OPA1: variants seen among roughly 807,000 people sequenced by gnomAD.
OPA1 encodes OPA1 mitochondrial dynamin like GTPase.
In OPA1, 59 loss-of-function variants were observed where a neutral mutation model predicts 152.9. The ratio of observed to expected loss-of-function variants is 0.39; its 90% CI spans 0.31 to 0.48. The LOEUF (loss-of-function observed/expected upper bound fraction) is 0.48. Among genes scored for constraint, OPA1 ranks in the 20% least tolerant of loss-of-function variants. OPA1 has a pLI of 0.96. For synonymous variants in OPA1, 400 were observed against 389.9 expected (o/e 1.03, Z -0.31); for missense variants, 1,008 against 1,216.8 (o/e 0.83, Z 2.55).
At chr3:193,668,344 A>G (rs558269960) in intron 29 of OPA1, 4 of 1,551,392 alleles carry the variant, frequency 2.6e-6, no homozygotes, top group Middle Eastern at 1.7e-4. Flanking sequence ...CTCGGACTCA[A>G]CACTACACAC....
At chr3:193,633,106 A>G (rs1405544133) in intron 8 of OPA1, among the ~76,000 whole-genome samples, 1 of 49,792 alleles carries the variant, frequency 2.0e-5, no homozygotes, top group Non-Finnish European at 4.6e-5. Flanking sequence ...GTGGCACTAT[A>G]TCTATGTTTT....
intron 21 of OPA1, 85 bp downstream of exon 21, chr3:193,648,956 G>C: frequency 2.0e-6 from 2 of 985,178 alleles, no homozygotes; most frequent in Non-Finnish European, 3.2e-6. Flanking sequence ...TGATAAAGCA[G>C]TGATTTATTG....
Position 193,648,271 on chromosome 3 carries a change from T to G in OPA1, c.1935+137T>G, listed in dbSNP as rs1711540626. The G allele has an allele frequency of 4.6e-6, 3 of 659,204 alleles. No homozygotes were observed. In the East Asian group the frequency reaches 8.4e-5, roughly 19 times the overall value. 40.8% of individuals were successfully genotyped at this position (659,204 alleles called of 1,614,324 possible). A position where few individuals can be genotyped will look rare whatever the true frequency, so the allele number is the denominator to read the frequency against. On this transcript the variant is annotated intron_variant, in intron 20 of 30. Transcript: ENST00000361510. ...ATAACTACTAATTTGTAAGAATACA[T>G]CTCTAGGAGCAGTTATCTCTTTCAG...
rs374506140 is a variant in OPA1 at position 193,593,349 on chromosome 3, G to A, written c.-29G>A. On this transcript the variant is annotated 5_prime_UTR_variant, in exon 1 of 31. Coordinates refer to ENST00000361510, the MANE Select transcript of OPA1 (RefSeq NM_130837.3). ...ACGGGGGCTCCCGCGTGGCCGTCTC[G>A]GCGCCTGCGTGACCTCCCCGCCGGC... 2.5e-5 allele frequency: 38 copies of A among 1,541,190 alleles called. No individual in the cohort carries two copies. In the African/African-American group the frequency reaches 4.5e-4, roughly 18 times the overall value.
At chr3:193,692,303 G>A (rs1053099704) in intron 30 of OPA1, among the ~76,000 whole-genome samples, 171 bp downstream of exon 30, 1 of 152,160 alleles carries the variant, frequency 6.6e-6, no homozygotes, top group African/African-American at 2.4e-5. Context: ...ACGTTGCTTT[G>A]AATAACTTGA....
In OPA1 at chr3:193,632,948, C is replaced by T. The variant is rs547898781; in HGVS notation, c.843+1283C>T. ...CGACTACAAGTTGAATATCTCTTATCTGAGGTGCTTGGGGCCAGCGTGTTT... is the reference window on the plus strand; with the variant it reads ...CGACTACAAGTTGAATATCTCTTATTTGAGGTGCTTGGGGCCAGCGTGTTT... On this transcript the variant is annotated intron_variant, in intron 8 of 30. Transcript: ENST00000361510. Among the ~76,000 whole-genome samples, 149 of 152,284 alleles carry T rather than the reference C, an allele frequency of 9.8e-4. 1 individual carries two copies. The highest frequency in any genetic ancestry group is 1.9e-3 in the Non-Finnish European group (129 of 68,012).
At chr3:193,595,109 A>G (rs890815402) in intron 1 of OPA1, among the ~76,000 whole-genome samples, 6 of 152,216 alleles carry the variant, frequency 3.9e-5, no homozygotes, top group Admixed American at 1.3e-4. Flanking sequence ...TCTCCTGGTG[A>G]TGGCACAGTT....
intron 29 of OPA1, chr3:193,668,176 G>T: frequency 3.2e-6 from 2 of 624,502 alleles, no homozygotes; most frequent in South Asian, 2.0e-5. Context: ...GTTTGTTCTA[G>T]TGTTCTCCCT....
chr3:193,669,858 C>T (rs1331913903), intron 29 of OPA1, among the ~76,000 whole-genome samples: 1 of 152,186 alleles, frequency 6.6e-6, no homozygotes, highest in African/African-American at 2.4e-5. Context: ...ACTGTCAAGC[C>T]AAGTTCTATG....
chr3:193,660,967 T>A (rs913982517), intron 25 of OPA1, among the ~76,000 whole-genome samples: 3 of 152,222 alleles, frequency 2.0e-5, no homozygotes, highest in African/African-American at 4.8e-5. Context: ...AAATGGTATC[T>A]GGCCTTCAAG....
At chr3:193,612,175 T>C (rs766311514) in intron 1 of OPA1, among the ~76,000 whole-genome samples, 4 of 151,964 alleles carry the variant, frequency 2.6e-5, no homozygotes, top group Non-Finnish European at 5.9e-5. Flanking sequence ...ACAATGGGGC[T>C]AAGCTCAGTT....
rs1713429049 is a variant in OPA1, at chr3:193,654,912, T to C, written c.2063T>C (p.Ile688Thr). The change falls in exon 22 of 31, where the codon ATT becomes ACT. Residue 688 changes from isoleucine to threonine, a missense_variant. Transcript: ENST00000361510. Reference protein sequence around the residue: ...SLWERVSTHVIENIYLPAAQT... With the variant: ...SLWERVSTHVTENIYLPAAQT... ...TGGGAAAGAGTATCAACTCATGTGA[T>C]TGAAAACATCTACCTTCCAGCTGCG... The C allele has an allele frequency of 6.2e-7, 1 of 1,613,842 alleles. No individual in the cohort carries two copies. Among genetic ancestry groups the C allele is most frequent in the African/African-American group, 1.3e-5 (1 of 74,922 alleles).
At chr3:193,636,051 A>G (rs998992695) in intron 9 of OPA1, among the ~76,000 whole-genome samples, 1 of 152,180 alleles carries the variant, frequency 6.6e-6, no homozygotes, top group Non-Finnish European at 1.5e-5. Flanking sequence ...AAGTCTTACT[A>G]TTCCCCACCC....
In OPA1 at chr3:193,632,278, G is replaced by C. The variant is rs191277201; in HGVS notation, c.843+613G>C. ...GGGCGGATCACAAGGTCAGGAGATC[G>C]AGACCATCCTGGCTAACACAGTGAA... On this transcript the variant is annotated intron_variant, in intron 8 of 30. Transcript: ENST00000361510. Among the ~76,000 whole-genome samples the C allele has an allele frequency of 5.6e-3, 845 of 152,220 alleles. 3 individuals are homozygous for C. Among genetic ancestry groups the C allele is most frequent in the Admixed American group, 8.5e-3 (130 of 15,300 alleles).
chr3:193,674,699 C>T (rs1718600500), intron 29 of OPA1, among the ~76,000 whole-genome samples: 1 of 152,174 alleles, frequency 6.6e-6, no homozygotes, highest in Non-Finnish European at 1.5e-5. Flanking sequence ...CATCAAGGTA[C>T]CCTGGAACTT....
chr3:193,609,826 G>A (rs1017027371), intron 1 of OPA1, among the ~76,000 whole-genome samples: 8 of 152,028 alleles, frequency 5.3e-5, no homozygotes, highest in Admixed American at 6.5e-5. Context: ...CCAGTTGATC[G>A]AATCGGCTAC....
intron 3 of OPA1, 28 bp downstream of exon 3, chr3:193,615,798 T>A (rs1401246970): frequency 7.8e-7 from 1 of 1,289,710 alleles, no homozygotes; most frequent in African/African-American, 1.5e-5. Context: ...TAAAATACTT[T>A]TTTTGGTCAT....
chr3:193,674,538 C>T (rs1012766954), intron 29 of OPA1, among the ~76,000 whole-genome samples: 3 of 152,156 alleles, frequency 2.0e-5, no homozygotes, highest in African/African-American at 7.2e-5. Context: ...AAGATTCTTT[C>T]ACTGAATCCA....
intron 7 of OPA1, 72 bp from the exon 8 acceptor site, chr3:193,631,540 A>C: frequency 8.8e-7 from 1 of 1,131,496 alleles, no homozygotes; most frequent in Non-Finnish European, 1.3e-6. Context: ...AATACTTATC[A>C]AAAAAATTTA....
Sources: gnomAD v4.1 joint callset for allele counts (sites outside exome capture counted in the v4.1 genomes callset) on GRCh38, gnomAD v4.1.1 for gene constraint, MANE v1.5 for transcripts, NCBI Gene and HGNC (gene_info 2026-07-23, HGNC 2026-07-21) for gene names.